Variants in MUC3A observed in about 807,000 individuals in gnomAD.
The protein encoded by MUC3A is mucin-3A.
A neutral mutation model predicts 109.0 loss-of-function variants in MUC3A; 109 were observed. The observed-to-expected ratio is 1.00, with a 90% CI of 0.86 to 1.17. MUC3A has a LOEUF of 1.17. Ranked by LOEUF, MUC3A falls within the 50% of genes most tolerant of loss-of-function variation. MUC3A has a pLI of 0.00. For missense variants in MUC3A, 3,537 were observed against 2,469.4 expected (o/e 1.43, Z -9.16); for synonymous variants, 1,398 against 981.4 (o/e 1.42, Z -7.93).
chr7:100,963,077 T>TGG (rs1792393034), intron 3 of MUC3A, 74 bp from the exon 4 acceptor site: 2 of 1,496,622 alleles, frequency 1.3e-6, no homozygotes, highest in African/African-American at 1.4e-5. Flanking sequence ...AGCCTGTGGG[T>TGG]TGGGGTGGTG....
In MUC3A at chr7:100,958,948, C is replaced by T. The variant is rs553616487; in HGVS notation, c.7169C>T (p.Pro2390Leu). 12 of 1,529,398 alleles carry T rather than the reference C, an allele frequency of 7.8e-6. No individual in the cohort carries two copies. In the Admixed American group the frequency reaches 2.3e-4, roughly 29 times the overall value. 94.7% of individuals were successfully genotyped at this position (1,529,398 alleles called of 1,614,324 possible). Residue 2390 changes from proline (P) to leucine (L), a missense_variant, in exon 2 of 12, where the codon CCT becomes CTT. Pro to Leu is a moderately conservative substitution (Grantham distance 98). Transcript: ENST00000379458. ...ACTGAGACCCCCTTACACAGTACTC[C>T]TGGCCTCACTTCGTGGGTCACCACC... ...TTTETPLHST[P>L]GLTSWVTTTK...
rs1433094491 is a variant in MUC3A at position 100,955,724 on chromosome 7, C to T, written c.3945C>T (p.His1315=). 17 of 417,448 alleles carry T rather than the reference C, an allele frequency of 4.1e-5. No homozygotes were observed. The highest frequency in any genetic ancestry group is 6.7e-5 in the Non-Finnish European group (16 of 239,016). 25.9% of individuals were successfully genotyped at this position (417,448 alleles called of 1,614,324 possible). A position where few individuals can be genotyped will look rare whatever the true frequency, so the allele number is the denominator to read the frequency against. Reference sequence around the variant, plus strand: ...TTCCAGCCAGCACCAATACAATCCACACAACAGCTGAATCCGCCCTGGCAC... The same window carrying T: ...TTCCAGCCAGCACCAATACAATCCATACAACAGCTGAATCCGCCCTGGCAC... ...SSLPASTNTI[H]TTAESALAPT... is the part of the protein sequence containing the mutation. The change falls in exon 2 of 12, where the codon CAC becomes CAT. Residue 1315 remains histidine (H), a synonymous_variant. Coordinates refer to ENST00000379458, the MANE Select transcript of MUC3A (RefSeq NM_005960.2).
intron 6 of MUC3A, 38 bp from the exon 7 acceptor site, chr7:100,965,241 GATC>G (rs1792489139): frequency 6.3e-3 from 16 of 2,530 alleles, no homozygotes; most frequent in Middle Eastern, 0.25. Flanking sequence ...TTAACCCCTT[GATC>G]TGCCCCGCCC....
intron 6 of MUC3A, chr7:100,965,051 A>T: frequency 9.1e-7 from 1 of 1,100,812 alleles, no homozygotes. Context: ...AGACCCCCTG[A>T]TTGTCATGGT....
chr7:100,952,165 T>G lies in MUC3A; in HGVS notation c.386T>G (p.Val129Gly). 1 of 1,598,512 alleles carries G rather than the reference T, an allele frequency of 6.3e-7. No individual in the cohort carries two copies. Among genetic ancestry groups the G allele is most frequent in the Non-Finnish European group, 8.5e-7 (1 of 1,179,742 alleles). The change falls in exon 2 of 12, where the codon GTG becomes GGG. Residue 129 changes from valine to glycine, a missense_variant. Coordinates refer to ENST00000379458, the MANE Select transcript of MUC3A (RefSeq NM_005960.2). ...VLVYSATTEC[V>G]YPTSFIITIS... ...GTCTATTCAGCCACCACTGAGTGCG[T>G]GTATCCAACGAGCTTTATAATCACC... is the stretch of plus-strand genomic sequence containing the variant.
At chr7:100,965,528 G>C in intron 7 of MUC3A, 176 bp from the exon 8 acceptor site, 4 of 1,417,934 alleles carry the variant, frequency 2.8e-6, no homozygotes, top group Non-Finnish European at 3.8e-6. Context: ...GGGGCCACGA[G>C]GAGAGGGTGA....
chr7:100,949,900 T>C (rs935360113), intron 1 of MUC3A, among the ~76,000 whole-genome samples: 32 of 148,562 alleles, frequency 2.2e-4, no homozygotes, highest in African/African-American at 6.5e-4. Context: ...AAAACCGAGG[T>C]TGGGAAAGAG....
chr7:100,958,588 C>T lies in MUC3A; in HGVS notation c.6809C>T (p.Thr2270Ile). ...ACCACTGAGACCACCTCACATGATA[C>T]TCCCAGCTTCACTTCTTCAATCACC... ...ITTTETTSHD[T>I]PSFTSSITTS... The change falls in exon 2 of 12, where the codon ACT becomes ATT. Residue 2270 changes from threonine (T) to isoleucine (I), a missense_variant. By Grantham distance (89) the Thr-to-Ile change is moderately conservative (BLOSUM62 -1). Transcript: ENST00000379458. 2.9e-6 allele frequency: 4 copies of T among 1,391,502 alleles called. No homozygotes were observed. The highest frequency in any genetic ancestry group is 4.0e-6 in the Non-Finnish European group (4 of 1,007,644). The allele number at this position is 1,391,502 out of a possible 1,614,324, so 86.2% of individuals were successfully genotyped here. A position where few individuals can be genotyped will look rare whatever the true frequency, so the allele number is the denominator to read the frequency against.
At chr7:100,963,587 G>T in intron 4 of MUC3A, 101 bp from the exon 5 acceptor site, 2 of 1,567,600 alleles carry the variant, frequency 1.3e-6, no homozygotes, top group Non-Finnish European at 1.7e-6. Flanking sequence ...ACCCGGCCGG[G>T]GAGGGGAATT....
rs765859085 is a variant in MUC3A, at chr7:100,965,840, T to G, written c.9585T>G (p.Val3195=). Residue 3195 remains valine (V), a synonymous_variant, in exon 8 of 12, where the codon GTT becomes GTG. Transcript: ENST00000379458. Reference sequence around the variant, plus strand: ...TCGACTGTCACCAGGGCCAGTGCGTTCTGGAGACGAGCGGTCCCACGTGTC... The same window carrying G: ...TCGACTGTCACCAGGGCCAGTGCGTGCTGGAGACGAGCGGTCCCACGTGTC... The part of the protein sequence containing the change: ...NAIDCHQGQC[V]LETSGPTCRC... 2 of 1,596,402 alleles carry G rather than the reference T, an allele frequency of 1.3e-6. No homozygotes were observed. The highest frequency in any genetic ancestry group is 1.7e-6 in the Non-Finnish European group (2 of 1,178,492).
chr7:100,963,139 T>G lies in MUC3A; in HGVS notation c.9053-12T>G. 1 of 1,597,630 alleles carries G rather than the reference T, an allele frequency of 6.3e-7. No homozygotes were observed. Among genetic ancestry groups the G allele is most frequent in the Non-Finnish European group, 8.5e-7 (1 of 1,179,456 alleles). On this transcript the variant is annotated splice_polypyrimidine_tract_variant and intron_variant, in intron 3 of 11. Transcript: ENST00000379458. ...ACAGAGAAGTGACTGGGGACATGCATGCTCTGTGTAGATGTAGTGGAGACC... is the reference window on the plus strand; with the variant it reads ...ACAGAGAAGTGACTGGGGACATGCAGGCTCTGTGTAGATGTAGTGGAGACC...
In MUC3A at chr7:100,954,901, G is replaced by T; in HGVS notation, c.3122G>T (p.Ser1041Ile). The change falls in exon 2 of 12, where the codon AGT (serine) becomes ATT (isoleucine). Residue 1041 changes from serine to isoleucine, a missense_variant. Ser to Ile is a moderately radical substitution (Grantham distance 142). Transcript: ENST00000379458. ...TATNTLSPLT[S>I]SILSSTPVPS... ...ACTAATACATTATCACCACTCACCAGTAGCATTTTATCTTCTACACCTGTC... is the reference window on the plus strand; with the variant it reads ...ACTAATACATTATCACCACTCACCATTAGCATTTTATCTTCTACACCTGTC... 1 of 502,630 alleles carries T rather than the reference G, an allele frequency of 2.0e-6. No individual in the cohort carries two copies. The highest frequency in any genetic ancestry group is 3.5e-6 in the Non-Finnish European group (1 of 288,150). 31.1% of individuals were successfully genotyped at this position (502,630 alleles called of 1,614,324 possible).
At chr7:100,962,807 CTCTCTCTTTCTT>C (rs1203716846) in intron 3 of MUC3A, among the ~76,000 whole-genome samples, 1 of 33,922 alleles carries the variant, frequency 2.9e-5, no homozygotes, top group Non-Finnish European at 6.1e-5. Context: ...TTCTCTCTCT[CTCTCTCTTTCTT>C]TCTTTCTTTC....
Position 100,949,598 on chromosome 7 carries a change from T to C in MUC3A, c.-27T>C, listed in dbSNP as rs1000057068. Reference sequence around the variant, plus strand: ...GCTGTCTTGGTCCTGAAGCCTGTTCTGCCCCAGCCCCCTGCCCGCTGGGCC... The same window carrying C: ...GCTGTCTTGGTCCTGAAGCCTGTTCCGCCCCAGCCCCCTGCCCGCTGGGCC... On this transcript the variant is annotated 5_prime_UTR_variant, in exon 1 of 12. Coordinates refer to ENST00000379458, the MANE Select transcript of MUC3A (RefSeq NM_005960.2). 1 of 1,541,500 alleles carries C rather than the reference T, an allele frequency of 6.5e-7. No individual in the cohort carries two copies. Among genetic ancestry groups the C allele is most frequent in the South Asian group, 1.2e-5 (1 of 84,498 alleles).
At position 100,965,706 on chromosome 7, in the gene MUC3A, A is replaced by T. The variant is rs939910486; in HGVS notation, c.9451A>T (p.Ile3151Phe). 2 of 1,596,846 alleles carry T rather than the reference A, an allele frequency of 1.3e-6. No individual in the cohort carries two copies. Among genetic ancestry groups the T allele is most frequent in the Admixed American group, 1.7e-5 (1 of 59,876 alleles). ...GCATCCCCCTCCCCAACCCCCAGCCATCTGCCGCCGCGCCGCTCCCACGGG... is the reference window on the plus strand; with the variant it reads ...GCATCCCCCTCCCCAACCCCCAGCCTTCTGCCGCCGCGCCGCTCCCACGGG... The part of the protein sequence containing the change: ...NSKTELTPAA[I>F]CRRAAPTGYE... The change falls in exon 8 of 12, where the codon ATC becomes TTC. Residue 3151 changes from isoleucine (I) to phenylalanine (F), a missense_variant and splice_region_variant. Physicochemically the swap from Ile to Phe is conservative, Grantham distance 21. Coordinates refer to ENST00000379458, the MANE Select transcript of MUC3A (RefSeq NM_005960.2).
chr7:100,966,878 T>G (rs1441403501), intron 10 of MUC3A, 21 bp from the exon 11 acceptor site: 2 of 1,598,518 alleles, frequency 1.3e-6, no homozygotes, highest in East Asian at 2.2e-5. Flanking sequence ...CTTCTCTTTC[T>G]CCGCTCCTCT....
At position 100,967,348 on chromosome 7, in the gene MUC3A, C is replaced by T. The variant is rs1792634591; in HGVS notation, c.*186C>T. 1 of 892,098 alleles carries T rather than the reference C, an allele frequency of 1.1e-6. No homozygotes were observed. Among genetic ancestry groups the T allele is most frequent in the Non-Finnish European group, 1.7e-6 (1 of 591,828 alleles). The allele number at this position is 892,098 out of a possible 1,614,324, so 55.3% of individuals were successfully genotyped here. ...AACTTGGCTGAAACCCACCTGGAGA[C>T]GCAGTTCACGTCCAGGCTCTTCCAC... On this transcript the variant is annotated 3_prime_UTR_variant, in exon 12 of 12. Transcript: ENST00000379458.
intron 8 of MUC3A, 143 bp from the exon 9 acceptor site, chr7:100,966,243 A>AGACACGTCCGCTTG: frequency 1.2e-6 from 1 of 827,612 alleles, no homozygotes; most frequent in Non-Finnish European, 1.6e-6. Context: ...TCTAGGGTGG[A>AGACACGTCCGCTTG]TTCCCAGCCC....
rs1269086140 is a variant in MUC3A at position 100,966,587 on chromosome 7, G to A, written c.9785+28G>A. 3.8e-6 allele frequency: 6 copies of A among 1,585,662 alleles called. No homozygotes were observed. In the South Asian group the frequency reaches 4.5e-5, roughly 12 times the overall value. ...GAGCGTGCGGGGGGCGGGGCCGGGG[G>A]GCGAGGGCAGCCAAGGGGTCCCAGG... On this transcript the variant is annotated intron_variant, in intron 9 of 11. Coordinates refer to ENST00000379458, the MANE Select transcript of MUC3A (RefSeq NM_005960.2).
Sources: allele counts gnomAD v4.1 joint callset (sites outside exome capture counted in the v4.1 genomes callset), GRCh38; gene constraint gnomAD v4.1.1; transcripts MANE v1.5; gene names NCBI Gene and HGNC (gene_info 2026-07-23, HGNC 2026-07-21).